ERMN: variants seen among roughly 807,000 people sequenced by gnomAD.
ERMN encodes ermin, ERM-like protein.
Under a neutral mutation model 21.4 loss-of-function variants are expected in ERMN, and 17 were observed. The observed-to-expected ratio is 0.80, with a 90% CI of 0.54 to 1.19. The LOEUF (loss-of-function observed/expected upper bound fraction) is 1.19, where lower values mean the gene tolerates loss of function less well. Among genes scored for constraint, ERMN ranks in the 50% most tolerant of loss-of-function variants. ERMN has a pLI of 0.00. For missense variants in ERMN, 348 were observed against 331.6 expected (o/e 1.05, Z -0.38); for synonymous variants, 115 against 111.9 (o/e 1.03, Z -0.17).
intron 2 of ERMN, 146 bp from the exon 3 acceptor site, chr2:157,321,937 T>A: frequency 1.4e-6 from 1 of 732,954 alleles, no homozygotes. Flanking sequence ...ACCAATATGT[T>A]TTGCACAAAC....
chr2:157,327,487 T>C (rs980784723), upstream of ERMN: 1 of 780,346 alleles, frequency 1.3e-6, no homozygotes, highest in African/African-American at 1.7e-5. Context: ...CATAACAGTC[T>C]TCTGAGGTAG....
chr2:157,319,554 C>A lies in ERMN; in HGVS notation c.*1717G>T, dbSNP rs1295160636. On this transcript the variant is annotated 3_prime_UTR_variant, in exon 3 of 3. Coordinates refer to ENST00000410096, the MANE Select transcript of ERMN (RefSeq NM_020711.3). ...ATCAGTAACCTAGAAAAGAAAACAGCTTGTCCATGTAGAAAGATTAGAGGA... is the reference window on the plus strand; with the variant it reads ...ATCAGTAACCTAGAAAAGAAAACAGATTGTCCATGTAGAAAGATTAGAGGA... The A allele has an allele frequency of 1.3e-5, 2 of 152,106 alleles. No individual in the cohort carries two copies. Among genetic ancestry groups the A allele is most frequent in the African/African-American group, 4.8e-5 (2 of 41,420 alleles). The allele number at this position is 152,106 out of a possible 1,614,324, so 9.4% of individuals were successfully genotyped here. A position where few individuals can be genotyped will look rare whatever the true frequency, so the allele number is the denominator to read the frequency against.
chr2:157,327,407 G>A (rs183560738), upstream of ERMN: 393 of 770,914 alleles, frequency 5.1e-4, 1 homozygote, highest in Middle Eastern at 1.4e-3. Flanking sequence ...TTTAACAAAC[G>A]CTCATATCAC....
chr2:157,324,224 A>G, intron 2 of ERMN: 1 of 244,356 alleles, frequency 4.1e-6, no homozygotes, highest in South Asian at 3.8e-5. Flanking sequence ...GTCTGCCGAG[A>G]TTGCACCATT....
rs780928030 is a variant in ERMN at position 157,321,282 on chromosome 2, T to C, written c.844A>G (p.Met282Val). ...CAGTTCCAGTTAGTTTATAAATGCA[T>C]CATAGACTCGAATTCATCAATTCTT... ...KQRIDEFESM[M>V]HL The change falls in exon 3 of 3, where the codon ATG becomes GTG. Residue 282 changes from methionine (M) to valine (V), a missense_variant. Transcript: ENST00000410096. 6.8e-6 allele frequency: 11 copies of C among 1,612,946 alleles called. No individual in the cohort carries two copies. The African/African-American group carries it at 1.5e-4, about 22-fold the overall frequency.
chr2:157,321,490 C>G lies in ERMN; in HGVS notation c.636G>C (p.Glu212Asp), dbSNP rs368602677. ...CACCTTCCTCTTTAAATTGAGAAAC[C>G]TCTTCATGTTTTTTCTTAAATTCTA... is the stretch of plus-strand genomic sequence containing the variant. ...RVIEFKKKHEEVSQFKEEGDA... is the reference protein window; with the variant it reads ...RVIEFKKKHEDVSQFKEEGDA... Residue 212 changes from glutamate (E) to aspartate (D), a missense_variant, in exon 3 of 3, where the codon GAG (glutamate) becomes GAC (aspartate). By Grantham distance (45) the Glu-to-Asp change is conservative. Transcript: ENST00000410096. 46 of 1,613,980 alleles carry G rather than the reference C, an allele frequency of 2.9e-5. No homozygotes were observed. Among genetic ancestry groups the G allele is most frequent in the South Asian group, 4.4e-5 (4 of 91,070 alleles).
In ERMN at chr2:157,321,489, C is replaced by T. The variant is rs202049237; in HGVS notation, c.637G>A (p.Val213Ile). The change falls in exon 3 of 3, where the codon GTT (valine) becomes ATT (isoleucine). Residue 213 changes from valine (V) to isoleucine (I), a missense_variant. Physicochemically the swap from Val to Ile is conservative, Grantham distance 29 (BLOSUM62 3). Coordinates refer to ENST00000410096, the MANE Select transcript of ERMN (RefSeq NM_020711.3). ...VIEFKKKHEE[V>I]SQFKEEGDAS... Reference sequence around the variant, plus strand: ...TCACCTTCCTCTTTAAATTGAGAAACCTCTTCATGTTTTTTCTTAAATTCT... The same window carrying T: ...TCACCTTCCTCTTTAAATTGAGAAATCTCTTCATGTTTTTTCTTAAATTCT... The T allele has an allele frequency of 5.7e-5, 92 of 1,614,034 alleles. No individual in the cohort carries two copies. Among genetic ancestry groups the T allele is most frequent in the Non-Finnish European group, 3.5e-5 (41 of 1,180,006 alleles).
At position 157,321,542 on chromosome 2, in the gene ERMN, T is replaced by C. The variant is rs150982090; in HGVS notation, c.584A>G (p.Asn195Ser). 1.5e-5 allele frequency: 24 copies of C among 1,614,080 alleles called. No individual in the cohort carries two copies. The East Asian group carries it at 4.0e-4, about 27-fold the overall frequency. ...CACTCGAACTTCATCTTCATCATTA[T>C]TGCAATTATCATCATCATCATCATC... is the stretch of plus-strand genomic sequence containing the variant. The part of the protein sequence containing the change: ...EIDDDDDDNC[N>S]NDEDEVRVIE... The change falls in exon 3 of 3, where the codon AAT becomes AGT. Residue 195 changes from asparagine to serine, a missense_variant. Transcript: ENST00000410096.
chr2:157,327,501 CTGT>C, upstream of ERMN: 1 of 779,566 alleles, frequency 1.3e-6, no homozygotes, highest in Non-Finnish European at 2.4e-6. Context: ...GAGGTAGGTG[CTGT>C]TGTTATCTCC....
At chr2:157,322,635 C>G (rs908497190) in intron 2 of ERMN, among the ~76,000 whole-genome samples, 32 of 152,188 alleles carry the variant, frequency 2.1e-4, no homozygotes, top group African/African-American at 2.4e-4. Context: ...ATATTCTACT[C>G]TCTCCGAAAG....
upstream of ERMN, among the ~76,000 whole-genome samples, chr2:157,326,378 C>T (rs779370740): frequency 6.6e-6 from 1 of 152,164 alleles, no homozygotes; most frequent in Non-Finnish European, 1.5e-5. Context: ...TTGCTAATAC[C>T]AAAAGTTTTA....
chr2:157,325,166 T>G (rs533601458), intron 1 of ERMN: 1 of 658,304 alleles, frequency 1.5e-6, no homozygotes, highest in Non-Finnish European at 2.9e-6. Context: ...TTCCGCCTTC[T>G]TCTAGTGAAA....
At position 157,325,783 on chromosome 2, in the gene ERMN, T is replaced by A. The variant is rs1684056553; in HGVS notation, c.-141A>T. ...AGCACAAATTATTCACTTTAGTACA[T>A]AATAACAAGGTTCTTTTCCTAAAAG... On this transcript the variant is annotated 5_prime_UTR_variant, in exon 1 of 3. An upstream start codon of the reference 5' UTR is lost. Coordinates refer to ENST00000410096, the MANE Select transcript of ERMN (RefSeq NM_020711.3). The A allele has an allele frequency of 6.6e-7, 1 of 1,516,872 alleles. No individual in the cohort carries two copies. Among genetic ancestry groups the A allele is most frequent in the Admixed American group, 2.1e-5 (1 of 48,624 alleles). The allele number at this position is 1,516,872 out of a possible 1,614,324, so 94.0% of individuals were successfully genotyped here. A position where few individuals can be genotyped will look rare whatever the true frequency, so the allele number is the denominator to read the frequency against.
In ERMN at chr2:157,325,652, T is replaced by A. The variant is rs1684052322; in HGVS notation, c.-10A>T. 1.9e-6 allele frequency: 3 copies of A among 1,614,198 alleles called. No individual in the cohort carries two copies. Among genetic ancestry groups the A allele is most frequent in the Non-Finnish European group, 2.5e-6 (3 of 1,180,006 alleles). ...CCGGAACATCTGTCATGATGTGCGG[T>A]TGAATCCGATCTGGAGAGAGAGCTT... On this transcript the variant is annotated 5_prime_UTR_variant, in exon 1 of 3. Coordinates refer to ENST00000410096, the MANE Select transcript of ERMN (RefSeq NM_020711.3).
chr2:157,325,536 A>G lies in ERMN; in HGVS notation c.107T>C (p.Val36Ala), dbSNP rs1330514912. 1.2e-6 allele frequency: 2 copies of G among 1,614,040 alleles called. No homozygotes were observed. Among genetic ancestry groups the G allele is most frequent in the African/African-American group, 1.3e-5 (1 of 74,910 alleles). The change falls in exon 1 of 3, where the codon GTG becomes GCG. Residue 36 changes from valine (V) to alanine (A), a missense_variant. Transcript: ENST00000410096. ...ITKISEELTD[V>A]DSPLPHYRVE... ...CCTGTAGTGTGGCAGGGGGCTGTCC[A>G]CATCAGTCAATTCCTCACTGATTTT...
chr2:157,325,717 C>G lies in ERMN; in HGVS notation c.-75G>C. The G allele has an allele frequency of 6.2e-7, 1 of 1,602,662 alleles. No individual in the cohort carries two copies. The highest frequency in any genetic ancestry group is 8.5e-7 in the Non-Finnish European group (1 of 1,172,592). On this transcript the variant is annotated 5_prime_UTR_variant, in exon 1 of 3. Coordinates refer to ENST00000410096, the MANE Select transcript of ERMN (RefSeq NM_020711.3). ...GAGTAGATCCTTGATAAGATACCTG[C>G]TCTTGCCTTCAAGTCCTATAGTTCC...
chr2:157,322,005 T>A (rs1574046888), intron 2 of ERMN, among the ~76,000 whole-genome samples: 1 of 152,186 alleles, frequency 6.6e-6, no homozygotes, highest in Non-Finnish European at 1.5e-5. Context: ...TAAATAAGCA[T>A]CTTCAGAATT....
chr2:157,326,155 C>G (rs1684063869), upstream of ERMN, among the ~76,000 whole-genome samples: 2 of 152,188 alleles, frequency 1.3e-5, no homozygotes, highest in South Asian at 4.1e-4. Flanking sequence ...GTGTAACCAG[C>G]TTAACATTTC....
In ERMN at chr2:157,325,659, C is replaced by A. The variant is rs1240881527; in HGVS notation, c.-17G>T. 1 of 1,614,044 alleles carries A rather than the reference C, an allele frequency of 6.2e-7. No homozygotes were observed. Among genetic ancestry groups the A allele is most frequent in the Non-Finnish European group, 8.5e-7 (1 of 1,179,900 alleles). On this transcript the variant is annotated 5_prime_UTR_variant, in exon 1 of 3. Transcript: ENST00000410096. ...ATCTGTCATGATGTGCGGTTGAATC[C>A]GATCTGGAGAGAGAGCTTTAGGGAA...
Sources: allele counts gnomAD v4.1 joint callset (sites outside exome capture counted in the v4.1 genomes callset), GRCh38; gene constraint gnomAD v4.1.1; transcripts MANE v1.5; gene names NCBI Gene and HGNC (gene_info 2026-07-23, HGNC 2026-07-21).